Variants in ANKRD30BL observed in about 807,000 individuals in gnomAD.
ANKRD30BL encodes ankyrin repeat domain 30B like.
ANKRD30BL carries 20 observed loss-of-function variants against 18.4 expected under a neutral mutation model. The ratio of observed to expected loss-of-function variants is 1.09; its 90% confidence interval spans 0.77 to 1.58. The LOEUF is 1.58. Ranked by LOEUF, ANKRD30BL falls within the 40% of genes most tolerant of loss-of-function variation. ANKRD30BL has a pLI of 0.00. For missense variants in ANKRD30BL, 224 were observed against 268.6 expected (o/e 0.83, Z 1.16); for synonymous variants, 72 against 100.9 (o/e 0.71, Z 1.72).
At chr2:132,247,434 C>T (rs1404786649) in intron 1 of ANKRD30BL, among the ~76,000 whole-genome samples, 1 of 151,404 alleles carries the variant, frequency 6.6e-6, no homozygotes, top group Non-Finnish European at 1.5e-5. Flanking sequence ...CCTATTTCAA[C>T]AGAGGCATCA....
At chr2:132,224,163 C>T (rs1300587412) in intron 1 of ANKRD30BL, among the ~76,000 whole-genome samples, 1 of 152,118 alleles carries the variant, frequency 6.6e-6, no homozygotes, top group Non-Finnish European at 1.5e-5. Flanking sequence ...GAAGCATTCT[C>T]AGAAACTTCT....
chr2:132,208,859 G>C (rs982109404), intron 1 of ANKRD30BL, among the ~76,000 whole-genome samples: 1 of 151,772 alleles, frequency 6.6e-6, no homozygotes, highest in East Asian at 1.9e-4. Context: ...CAAGAAAGAA[G>C]CATTCTGAGA....
chr2:132,183,137 CT>C (rs144303092), intron 1 of ANKRD30BL, among the ~76,000 whole-genome samples: 44,130 of 139,966 alleles, frequency 0.32, 6,732 homozygotes, highest in Middle Eastern at 0.39. Context: ...GACAAAGTAG[CT>C]TTTTTTTTTT....
At position 132,246,897 on chromosome 2, in the gene ANKRD30BL, G is replaced by A. The variant is rs62164046; in HGVS notation, n.441+10632C>T. On this transcript the variant is annotated intron_variant and non_coding_transcript_variant, in intron 1 of 4. Coordinates refer to the ANKRD30BL transcript ENST00000470729. The stretch of plus-strand genomic sequence containing the variant: ...GAGTTGAAACTTTCTTTTGATAGAG[G>A]AGTTTTGAAACACTCTTTTTGTAGT... Among the ~76,000 whole-genome samples, 417 of 150,758 alleles carry A rather than the reference G, an allele frequency of 2.8e-3. 1 individual carries two copies. The highest frequency in any genetic ancestry group is 9.2e-3 in the African/African-American group (377 of 40,952).
At chr2:132,243,044 G>C (rs968866552) in intron 1 of ANKRD30BL, among the ~76,000 whole-genome samples, 9 of 151,528 alleles carry the variant, frequency 5.9e-5, no homozygotes, top group African/African-American at 2.2e-4. Flanking sequence ...CGTTGGAAAC[G>C]GGAATATCTT....
intron 1 of ANKRD30BL, among the ~76,000 whole-genome samples, chr2:132,168,421 T>G (rs2104939248): frequency 6.6e-6 from 1 of 152,282 alleles, no homozygotes; most frequent in Admixed American, 6.5e-5. Context: ...TTATTCATCC[T>G]TACAAAAGAA....
At chr2:132,238,779 C>T (rs528439026) in intron 1 of ANKRD30BL, among the ~76,000 whole-genome samples, 2,276 of 151,756 alleles carry the variant, frequency 0.015, 32 homozygotes, top group Middle Eastern at 0.028. Flanking sequence ...TCATTGGAAA[C>T]GGGAATATTT....
chr2:132,233,701 C>A (rs1248923488), intron 1 of ANKRD30BL, among the ~76,000 whole-genome samples: 1 of 147,306 alleles, frequency 6.8e-6, no homozygotes, highest in Non-Finnish European at 1.5e-5. Context: ...CCTGAGTGAC[C>A]TACAAAGAGA....
chr2:132,208,542 G>A (rs1179194419), intron 1 of ANKRD30BL, among the ~76,000 whole-genome samples: 1 of 152,070 alleles, frequency 6.6e-6, no homozygotes, highest in Non-Finnish European at 1.5e-5. Context: ...ACAAAATTAT[G>A]ACACAGACAA....
intron 1 of ANKRD30BL, among the ~76,000 whole-genome samples, chr2:132,221,630 C>A (rs1679688142): frequency 8.1e-6 from 1 of 123,340 alleles, no homozygotes; most frequent in Admixed American, 7.4e-5. Flanking sequence ...GCCGCCCAGT[C>A]CGGGAGGGAG....
In ANKRD30BL at chr2:132,186,726, C is replaced by T. The variant is rs541314868; in HGVS notation, n.442-29580G>A. On this transcript the variant is annotated intron_variant and non_coding_transcript_variant, in intron 1 of 4. Transcript: ENST00000470729. ...CTCACACATACTGAGTATGGAATTACTATTATTTTTGTTTCCTTTATCAGA... is the reference window on the plus strand; with the variant it reads ...CTCACACATACTGAGTATGGAATTATTATTATTTTTGTTTCCTTTATCAGA... Among the ~76,000 whole-genome samples, 12 of 152,278 alleles carry T rather than the reference C, an allele frequency of 7.9e-5. 1 individual carries two copies. In the South Asian group the frequency reaches 1.5e-3, roughly 18 times the overall value.
chr2:132,196,692 A>C (rs536090433), intron 1 of ANKRD30BL, among the ~76,000 whole-genome samples: 1 of 152,120 alleles, frequency 6.6e-6, no homozygotes, highest in East Asian at 1.9e-4. Flanking sequence ...AGGCTGAAGC[A>C]GGAGAGGAGG....
chr2:132,151,615 CA>C (rs60357550), intron 4 of ANKRD30BL, among the ~76,000 whole-genome samples: 62 of 143,770 alleles, frequency 4.3e-4, no homozygotes, highest in African/African-American at 1.4e-3. Context: ...AATTAAATTA[CA>C]AAAAAAAAAC....
chr2:132,247,523 C>T (rs2104804771), intron 1 of ANKRD30BL, among the ~76,000 whole-genome samples: 1 of 151,924 alleles, frequency 6.6e-6, no homozygotes, highest in African/African-American at 2.4e-5. Context: ...AGGTTCAAAT[C>T]CGTGTGATGA....
chr2:132,231,505 G>T (rs1680012635), intron 1 of ANKRD30BL, among the ~76,000 whole-genome samples: 1 of 152,220 alleles, frequency 6.6e-6, no homozygotes, highest in Admixed American at 6.6e-5. Flanking sequence ...GCTGAAGCAG[G>T]GCGATGCATT....
chr2:132,227,138 A>T (rs1490255827), intron 1 of ANKRD30BL, among the ~76,000 whole-genome samples: 1 of 151,710 alleles, frequency 6.6e-6, no homozygotes, highest in South Asian at 2.1e-4. Flanking sequence ...GTTTTGAAAC[A>T]CTCTTTTTGT....
intron 1 of ANKRD30BL, among the ~76,000 whole-genome samples, chr2:132,158,552 G>T (rs1394042415): frequency 1.3e-5 from 2 of 151,718 alleles, no homozygotes; most frequent in Non-Finnish European, 1.5e-5. Flanking sequence ...CTCTCACTTT[G>T]CTAAGGCTGA....
intron 4 of ANKRD30BL, among the ~76,000 whole-genome samples, chr2:132,151,741 T>C (rs1439745282): frequency 6.6e-6 from 1 of 152,066 alleles, no homozygotes. Context: ...ATTCAGAGCA[T>C]CTAAGCTATT....
At chr2:132,228,472 T>A (rs949210842) in intron 1 of ANKRD30BL, among the ~76,000 whole-genome samples, 3 of 151,724 alleles carry the variant, frequency 2.0e-5, no homozygotes, top group African/African-American at 7.3e-5. Context: ...AACTTCTTTG[T>A]GATGTGTGCA....
Sources: gnomAD v4.1 joint callset for allele counts (sites outside exome capture counted in the v4.1 genomes callset) on GRCh38, gnomAD v4.1.1 for gene constraint, MANE v1.5 for transcripts, NCBI Gene and HGNC (gene_info 2026-07-23, HGNC 2026-07-21) for gene names.